LTBP1: variants seen among roughly 807,000 people sequenced by gnomAD.
LTBP1 encodes latent-transforming growth factor beta-binding protein 1.
In LTBP1, 129 loss-of-function variants were observed where a neutral mutation model predicts 207.6. The observed-to-expected ratio is 0.62, with a 90% CI of 0.54 to 0.72. LTBP1 has a LOEUF of 0.72. Ranked by LOEUF, LTBP1 falls within the 30% of genes least tolerant of loss-of-function variation. The pLI, the probability that LTBP1 is intolerant of heterozygous loss-of-function variation, is 0.00. For missense variants in LTBP1, 2,281 were observed against 2,217.2 expected (o/e 1.03, Z -0.58); for synonymous variants, 963 against 833.7 (o/e 1.16, Z -2.67).
chr2:33,233,850 T>A (rs868745877), intron 9 of LTBP1, among the ~76,000 whole-genome samples: 11 of 152,244 alleles, frequency 7.2e-5, no homozygotes, highest in South Asian at 6.2e-4. Context: ...ACTTTTTTTT[T>A]ATTTTTATTT....
chr2:33,377,666 C>T (rs2095157949), intron 31 of LTBP1, among the ~76,000 whole-genome samples: 1 of 152,158 alleles, frequency 6.6e-6, no homozygotes, highest in African/African-American at 2.4e-5. Flanking sequence ...CAATCTGATC[C>T]TAAAAAGCAA....
chr2:33,152,726 C>G (rs2083640871), intron 5 of LTBP1, among the ~76,000 whole-genome samples: 1 of 152,128 alleles, frequency 6.6e-6, no homozygotes, highest in Admixed American at 6.6e-5. Flanking sequence ...AGCTTATTAG[C>G]CATTTGTATA....
At chr2:33,088,583 A>G (rs2149990121) in intron 3 of LTBP1, among the ~76,000 whole-genome samples, 1 of 152,288 alleles carries the variant, frequency 6.6e-6, no homozygotes, top group Admixed American at 6.5e-5. Context: ...ATGTATCCCT[A>G]GACTGTAAGC....
At chr2:33,242,015 A>G (rs114461528) in intron 9 of LTBP1, among the ~76,000 whole-genome samples, 3,018 of 152,336 alleles carry the variant, frequency 0.02, 45 homozygotes, top group Middle Eastern at 0.099. Context: ...GCAAGTTGGA[A>G]CACCATAGAA....
At chr2:33,206,751 A>G (rs2089914703) in intron 7 of LTBP1, among the ~76,000 whole-genome samples, 1 of 151,974 alleles carries the variant, frequency 6.6e-6, no homozygotes, top group Non-Finnish European at 1.5e-5. Flanking sequence ...AAAAAAAAAA[A>G]AAAGAAAAAT....
At chr2:33,193,149 T>G (rs988015929) in intron 7 of LTBP1, among the ~76,000 whole-genome samples, 2 of 152,090 alleles carry the variant, frequency 1.3e-5, no homozygotes, top group Admixed American at 6.5e-5. Context: ...TCTTTTTTGT[T>G]TGTTTGTTTT....
intron 7 of LTBP1, among the ~76,000 whole-genome samples, chr2:33,211,191 A>G (rs1364541110): frequency 6.6e-6 from 1 of 152,186 alleles, no homozygotes; most frequent in Non-Finnish European, 1.5e-5. Flanking sequence ...ACATGTGGCT[A>G]TCTTTATGGA....
chr2:32,950,707 C>T (rs1676972472), intron 2 of LTBP1, among the ~76,000 whole-genome samples: 1 of 152,110 alleles, frequency 6.6e-6, no homozygotes, highest in Non-Finnish European at 1.5e-5. Context: ...TGCAGAGAGA[C>T]TCCATCTCAA....
At chr2:33,310,097 G>A (rs1292464969) in intron 23 of LTBP1, among the ~76,000 whole-genome samples, 1 of 151,876 alleles carries the variant, frequency 6.6e-6, no homozygotes, top group Non-Finnish European at 1.5e-5. Context: ...ACAGGCGCCT[G>A]CCACCACACC....
intron 23 of LTBP1, among the ~76,000 whole-genome samples, 192 bp downstream of exon 23, chr2:33,309,748 A>G (rs904871526): frequency 7.9e-5 from 12 of 152,220 alleles, no homozygotes; most frequent in African/African-American, 2.9e-4. Context: ...CATAGTGTCA[A>G]CTGAAACTCA....
chr2:32,988,112 C>T (rs553417931), intron 2 of LTBP1, among the ~76,000 whole-genome samples: 2 of 152,170 alleles, frequency 1.3e-5, no homozygotes, highest in African/African-American at 4.8e-5. Flanking sequence ...CAGCTTCTCC[C>T]TAGGGATATT....
intron 2 of LTBP1, among the ~76,000 whole-genome samples, chr2:32,992,763 T>C (rs1398346699): frequency 6.6e-6 from 1 of 152,096 alleles, no homozygotes; most frequent in African/African-American, 2.4e-5. Context: ...CTGAATGTGA[T>C]AGGCCTCAGG....
At chr2:33,150,704 C>CTTTTTT (rs1211013076) in intron 5 of LTBP1, among the ~76,000 whole-genome samples, 8 of 108,840 alleles carry the variant, frequency 7.4e-5, no homozygotes, top group African/African-American at 2.8e-4. Flanking sequence ...TTTCTTTTTT[C>CTTTTTT]TTTTTCTTTT....
chr2:32,954,548 G>GCCCCCCCC (rs531876196), intron 2 of LTBP1, among the ~76,000 whole-genome samples: 1 of 135,954 alleles, frequency 7.4e-6, no homozygotes, highest in Non-Finnish European at 1.6e-5. Flanking sequence ...TCCACTCCCC[G>GCCCCCCCC]CCCCCCCCCA....
intron 2 of LTBP1, among the ~76,000 whole-genome samples, chr2:32,990,425 G>A (rs1488504937): frequency 6.6e-6 from 1 of 152,114 alleles, no homozygotes; most frequent in Non-Finnish European, 1.5e-5. Context: ...TAACTTTTCT[G>A]TAAAGTACTA....
At chr2:33,047,769 A>G (rs2076519436) in intron 3 of LTBP1, among the ~76,000 whole-genome samples, 2 of 152,136 alleles carry the variant, frequency 1.3e-5, no homozygotes, top group South Asian at 2.1e-4. Context: ...TTAGGTCTCT[A>G]AGAACTTGCT....
At chr2:32,958,085 G>A (rs1478287222) in intron 2 of LTBP1, among the ~76,000 whole-genome samples, 1 of 152,176 alleles carries the variant, frequency 6.6e-6, no homozygotes, top group African/African-American at 2.4e-5. Flanking sequence ...TGGCTCAGTG[G>A]TTGGAAGTTC....
chr2:33,149,735 A>AT (rs376662677), intron 5 of LTBP1, among the ~76,000 whole-genome samples: 13 of 151,892 alleles, frequency 8.6e-5, no homozygotes, highest in South Asian at 2.1e-4. Flanking sequence ...CACAGGAGGC[A>AT]TTTTTTTTGC....
At chr2:33,372,725 A>G (rs1462030009) in intron 31 of LTBP1, among the ~76,000 whole-genome samples, 1 of 152,022 alleles carries the variant, frequency 6.6e-6, no homozygotes, top group Non-Finnish European at 1.5e-5. Context: ...TTAGCCAGGC[A>G]TGGTGGCGCA....
Sources: gnomAD v4.1 joint callset for allele counts (sites outside exome capture counted in the v4.1 genomes callset) on GRCh38, gnomAD v4.1.1 for gene constraint, MANE v1.5 for transcripts, NCBI Gene and HGNC (gene_info 2026-07-23, HGNC 2026-07-21) for gene names.